Variants in CNTN3 observed in about 807,000 individuals in gnomAD.
The protein encoded by CNTN3 is contactin-3.
Under a neutral mutation model 119.1 loss-of-function variants are expected in CNTN3, and 60 were observed. That is an observed-to-expected ratio of 0.50 (90% CI 0.41 to 0.62). The LOEUF (loss-of-function observed/expected upper bound fraction) is 0.62. CNTN3 is among the 20% of genes least tolerant of loss of function. The probability of loss-of-function intolerance (pLI) is 0.00; values close to 1 mark genes in which losing one functional copy is unlikely to be tolerated. For synonymous variants in CNTN3, 450 were observed against 438.7 expected (o/e 1.03, Z -0.32); for missense variants, 1,101 against 1,242.4 (o/e 0.89, Z 1.71).
At chr3:74,513,643 C>CA (rs75230040) in intron 2 of CNTN3, among the ~76,000 whole-genome samples, 5,988 of 129,630 alleles carry the variant, frequency 0.046, 146 homozygotes, top group Non-Finnish European at 0.061. Context: ...CCGAGCAGTC[C>CA]AAAAAAAAAA....
Position 74,264,385 on chromosome 3 carries a change from T to C in CNTN3, c.*16A>G. ...AACCAAATAACTTTCCAATAAATAA[T>C]AAAAAGGAGTTAATATCACCACAGG... On this transcript the variant is annotated 3_prime_UTR_variant, in exon 23 of 23. Coordinates refer to ENST00000263665, the MANE Select transcript of CNTN3 (RefSeq NM_020872.3). 1 of 1,366,290 alleles carries C rather than the reference T, an allele frequency of 7.3e-7. No homozygotes were observed. The highest frequency in any genetic ancestry group is 1.7e-5 in the South Asian group (1 of 58,350). The allele number at this position is 1,366,290 out of a possible 1,614,324, so 84.6% of individuals were successfully genotyped here.
intron 4 of CNTN3, among the ~76,000 whole-genome samples, chr3:74,466,157 G>GA (rs1702456636): frequency 6.6e-6 from 1 of 152,122 alleles, no homozygotes; most frequent in Non-Finnish European, 1.5e-5. Context: ...GAAACATGGA[G>GA]AAAATACGTG....
chr3:74,564,979 G>A (rs1285188590), intron 1 of CNTN3, among the ~76,000 whole-genome samples: 4 of 152,104 alleles, frequency 2.6e-5, no homozygotes, highest in African/African-American at 7.2e-5. Context: ...AGTGAGCCAT[G>A]GATCTAGGTT....
intron 1 of CNTN3, among the ~76,000 whole-genome samples, chr3:74,522,161 A>C (rs1703552418): frequency 6.6e-6 from 1 of 151,388 alleles, no homozygotes. Flanking sequence ...AAGAACTCAA[A>C]TAATAAAAAT....
At chr3:74,297,609 G>A (rs112936833) in intron 18 of CNTN3, among the ~76,000 whole-genome samples, 83 of 152,308 alleles carry the variant, frequency 5.4e-4, no homozygotes, top group African/African-American at 1.9e-3. Context: ...GTAGCTACCT[G>A]TAGAGAGATT....
intron 4 of CNTN3, among the ~76,000 whole-genome samples, chr3:74,457,957 TTTACC>T (rs533385765): frequency 1.7e-3 from 253 of 151,764 alleles, no homozygotes; most frequent in African/African-American, 5.2e-3. Context: ...CTCTGATGAG[TTTACC>T]CTGGCTTGAC....
chr3:74,443,529 G>A lies in CNTN3; in HGVS notation c.359-18589C>T, dbSNP rs190980889. Among the ~76,000 whole-genome samples, 61 of 152,226 alleles carry A rather than the reference G, an allele frequency of 4.0e-4. No individual in the cohort carries two copies. The East Asian group carries it at 9.9e-3, about 25-fold the overall frequency. On this transcript the variant is annotated intron_variant, in intron 4 of 22. Coordinates refer to ENST00000263665, the MANE Select transcript of CNTN3 (RefSeq NM_020872.3). ...ACCCAAACTCTTTCGCATGGCTGAT[G>A]TGGTTTAGAATGATCTGAGTCCCAT...
Position 74,298,127 on chromosome 3 carries a change from C to G in CNTN3, c.2231G>C (p.Gly744Ala). The G allele has an allele frequency of 6.2e-7, 1 of 1,612,794 alleles. No homozygotes were observed. The highest frequency in any genetic ancestry group is 8.5e-7 in the Non-Finnish European group (1 of 1,179,294). Residue 744 changes from glycine (G) to alanine (A), a missense_variant, in exon 18 of 23, where the codon GGG becomes GCG. By Grantham distance (60) the Gly-to-Ala change is moderately conservative (BLOSUM62 0). Coordinates refer to ENST00000263665, the MANE Select transcript of CNTN3 (RefSeq NM_020872.3). ...CACTGTCTGGATCCAGGTGGTAACC[C>G]CAAGAGGGCGGAAAGCAACAACATA... ...FGYVVAFRPL[G>A]VTTWIQTVVT...
chr3:74,497,671 A>G (rs2107073042), intron 3 of CNTN3, among the ~76,000 whole-genome samples: 1 of 151,974 alleles, frequency 6.6e-6, no homozygotes, highest in African/African-American at 2.4e-5. Flanking sequence ...AACAATACCA[A>G]ACATGTTAAA....
chr3:74,434,459 T>C (rs1701834418), intron 4 of CNTN3, among the ~76,000 whole-genome samples: 1 of 152,190 alleles, frequency 6.6e-6, no homozygotes, highest in Non-Finnish European at 1.5e-5. Context: ...CTTCCAATGA[T>C]CTCATGCCCA....
At chr3:74,577,378 C>A (rs1486792113) in intron 1 of CNTN3, among the ~76,000 whole-genome samples, 1 of 152,120 alleles carries the variant, frequency 6.6e-6, no homozygotes, top group African/African-American at 2.4e-5. Context: ...TTGGTTCATT[C>A]CACAATTGGC....
intron 10 of CNTN3, among the ~76,000 whole-genome samples, chr3:74,363,598 AG>A (rs947482237): frequency 1.2e-4 from 18 of 152,272 alleles, no homozygotes; most frequent in African/African-American, 4.3e-4. Context: ...AACCCAAATC[AG>A]GCTATATGGG....
intron 11 of CNTN3, among the ~76,000 whole-genome samples, chr3:74,338,328 C>T (rs961202091): frequency 2.0e-5 from 3 of 151,174 alleles, no homozygotes; most frequent in East Asian, 1.9e-4. Context: ...AATGTTACTA[C>T]AAGGGTTTCT....
rs6766765 is a variant in CNTN3, at chr3:74,285,658, G to C, written c.2518-167C>G. On this transcript the variant is annotated intron_variant, in intron 19 of 22. Coordinates refer to ENST00000263665, the MANE Select transcript of CNTN3 (RefSeq NM_020872.3). ...CTGCATTAGGCTGTGTGTCACAGCA[G>C]TGAAGATAGAGAAAAGGGACTCTAG... Among the ~76,000 whole-genome samples the C allele has an allele frequency of 0.03, 4,516 of 151,472 alleles. 235 individuals carry two copies. The highest frequency in any genetic ancestry group is 0.1 in the African/African-American group (4,279 of 41,280).
chr3:74,535,995 A>C (rs1401974041), intron 1 of CNTN3, among the ~76,000 whole-genome samples: 1 of 151,990 alleles, frequency 6.6e-6, no homozygotes, highest in African/African-American at 2.4e-5. Context: ...ACAATTCAAT[A>C]TTTTCCTCTA....
At chr3:74,525,915 T>C (rs995614916) in intron 1 of CNTN3, among the ~76,000 whole-genome samples, 1 of 151,918 alleles carries the variant, frequency 6.6e-6, no homozygotes, top group Non-Finnish European at 1.5e-5. Context: ...TCATGAAATA[T>C]TGATATGTAT....
chr3:74,403,282 G>A (rs1343967520), intron 5 of CNTN3, among the ~76,000 whole-genome samples: 1 of 152,134 alleles, frequency 6.6e-6, no homozygotes, highest in East Asian at 1.9e-4. Flanking sequence ...AAGAGGAATT[G>A]CTGACAGAAT....
intron 4 of CNTN3, among the ~76,000 whole-genome samples, chr3:74,439,670 CTCTT>C (rs981188454): frequency 6.6e-6 from 1 of 152,170 alleles, no homozygotes; most frequent in African/African-American, 2.4e-5. Flanking sequence ...ATGGCACATT[CTCTT>C]TCTAACAGGG....
chr3:74,469,500 T>C (rs575001950), intron 4 of CNTN3, among the ~76,000 whole-genome samples: 44 of 152,004 alleles, frequency 2.9e-4, no homozygotes, highest in Admixed American at 2.9e-3. Flanking sequence ...AACAACTCAA[T>C]AATAAAAAGA....
Sources: gnomAD v4.1 joint callset for allele counts (sites outside exome capture counted in the v4.1 genomes callset) on GRCh38, gnomAD v4.1.1 for gene constraint, MANE v1.5 for transcripts, NCBI Gene and HGNC (gene_info 2026-07-23, HGNC 2026-07-21) for gene names.